CRB1: variants seen among roughly 807,000 people sequenced by gnomAD.
CRB1 encodes the protein protein crumbs homolog 1.
Under a neutral mutation model 120.0 loss-of-function variants are expected in CRB1, and 83 were observed. The observed-to-expected ratio is 0.69, with a 90% CI of 0.58 to 0.83. The LOEUF is 0.83. Among genes scored for constraint, CRB1 ranks in the 40% least tolerant of loss-of-function variants. The probability of loss-of-function intolerance (pLI) is 0.00; values close to 1 mark genes in which losing one functional copy is unlikely to be tolerated. For synonymous variants in CRB1, 625 were observed against 612.5 expected (o/e 1.02, Z -0.30); for missense variants, 1,699 against 1,687.6 (o/e 1.01, Z -0.12).
the CRB1 span, among the ~76,000 whole-genome samples, chr1:197,219,463 G>T: frequency 1.3e-5 from 2 of 152,150 alleles, no homozygotes; most frequent in African/African-American, 4.8e-5. Flanking sequence ...CAATCCATGA[G>T]ACACTGTCTA....
At chr1:197,272,163 A>G (rs1654942863) in intron 1 of CRB1, among the ~76,000 whole-genome samples, 1 of 152,182 alleles carries the variant, frequency 6.6e-6, no homozygotes, top group Non-Finnish European at 1.5e-5. Flanking sequence ...TTAGGGAGTA[A>G]TCACATACTC....
At chr1:197,289,561 G>T (rs907666444) in intron 1 of CRB1, among the ~76,000 whole-genome samples, 21 of 151,602 alleles carry the variant, frequency 1.4e-4, no homozygotes, top group African/African-American at 4.8e-4. Context: ...CGTGGGTTTG[G>T]GGAAAATTTG....
At chr1:197,469,519 G>C (rs939014464) in intron 11 of CRB1, among the ~76,000 whole-genome samples, 2 of 152,124 alleles carry the variant, frequency 1.3e-5, no homozygotes, top group African/African-American at 4.8e-5. Flanking sequence ...GAGATGAAAA[G>C]GATGTGCTTT....
At chr1:197,440,900 A>G (rs1335820541) in intron 10 of CRB1, 1 of 152,314 alleles carries the variant, frequency 6.6e-6, no homozygotes, top group East Asian at 1.9e-4. Flanking sequence ...GCTCAGATCT[A>G]ATCAGAGAAG....
Position 197,268,401 on chromosome 1 carries a change from CTAAA to C in CRB1, c.-8_-5del, listed in dbSNP as rs1457243118. 6.3e-7 allele frequency: 1 copy of C among 1,598,604 alleles called. No homozygotes were observed. The highest frequency in any genetic ancestry group is 2.2e-5 in the East Asian group (1 of 44,778). ...CCAGCAACACACCAGAGGATGTTCT[CTAAA>C]TAAGACCATGGCACTTAAGAACATT... On this transcript the variant is annotated 5_prime_UTR_variant, in exon 1 of 12. It removes the in-frame stop codon of an upstream open reading frame in the 5' UTR. Coordinates refer to ENST00000367400, the MANE Select transcript of CRB1 (RefSeq NM_201253.3).
chr1:197,225,923 C>T, the CRB1 span, among the ~76,000 whole-genome samples: 373 of 152,030 alleles, frequency 2.5e-3, 4 homozygotes, highest in African/African-American at 8.2e-3. Context: ...TTTTTTCAGA[C>T]GGTAATCGCA....
At chr1:197,248,055 C>G in the CRB1 span, among the ~76,000 whole-genome samples, 5 of 151,810 alleles carry the variant, frequency 3.3e-5, no homozygotes, top group African/African-American at 1.2e-4. Context: ...TTAAATAAAT[C>G]AAAATTGTAT....
chr1:197,434,830 AT>A lies in CRB1; in HGVS notation c.2969del (p.Leu990CysfsTer32). ...GAACAAGGGATGCAAATGTAATAAT[AT>A]TGCATGCAGAAAAAGAGCCTGAATT... is the stretch of plus-strand genomic sequence containing the variant. ...FRTRDANVII[L>X]HAEKEPEFLN... is the part of the protein sequence containing the mutation. On this transcript the variant is annotated frameshift_variant, in exon 9 of 12. Transcript: ENST00000367400. LOFTEE classifies it high-confidence loss of function. 6.2e-7 allele frequency: 1 copy of A among 1,613,802 alleles called. No homozygotes were observed. The highest frequency in any genetic ancestry group is 8.5e-7 in the Non-Finnish European group (1 of 1,179,738).
chr1:197,355,039 A>G (rs1021152946), intron 4 of CRB1, among the ~76,000 whole-genome samples: 2 of 151,500 alleles, frequency 1.3e-5, no homozygotes, highest in African/African-American at 4.9e-5. Context: ...TCCAAGTCCC[A>G]CTAGATTAGC....
At chr1:197,388,699 C>T (rs1662344115) in intron 5 of CRB1, among the ~76,000 whole-genome samples, 1 of 152,018 alleles carries the variant, frequency 6.6e-6, no homozygotes, top group Non-Finnish European at 1.5e-5. Flanking sequence ...TAAAAACAAA[C>T]AAACATAACC....
At chr1:197,397,970 G>A (rs765708588) in intron 5 of CRB1, among the ~76,000 whole-genome samples, 37 of 152,090 alleles carry the variant, frequency 2.4e-4, no homozygotes, top group Non-Finnish European at 4.6e-4. Flanking sequence ...TTAAAAAAGT[G>A]GAAGTGACCT....
At chr1:197,263,913 G>C (rs115164816), upstream of CRB1, among the ~76,000 whole-genome samples, 1,076 of 151,812 alleles carry the variant, frequency 7.1e-3, 11 homozygotes, top group African/African-American at 0.024. Context: ...TTTTCGAATA[G>C]GCCTAATCAT....
intron 6 of CRB1, 87 bp from the exon 7 acceptor site, chr1:197,427,367 T>C (rs948153807): frequency 9.5e-7 from 1 of 1,057,952 alleles, no homozygotes; most frequent in Admixed American, 1.8e-5. Context: ...GTGTGAAATG[T>C]ATAATTTTCG....
chr1:197,244,164 G>T, the CRB1 span, among the ~76,000 whole-genome samples: 1 of 152,012 alleles, frequency 6.6e-6, no homozygotes, highest in South Asian at 2.1e-4. Context: ...GGGACATTTA[G>T]CCCATTTACA....
intron 11 of CRB1, chr1:197,442,742 T>C: frequency 3.6e-6 from 1 of 281,344 alleles, no homozygotes; most frequent in Non-Finnish European, 6.6e-6. Flanking sequence ...CATTTCTGGG[T>C]ATTTTCACAT....
At chr1:197,416,780 G>A (rs1177257157) in intron 5 of CRB1, among the ~76,000 whole-genome samples, 1 of 152,092 alleles carries the variant, frequency 6.6e-6, no homozygotes, top group Non-Finnish European at 1.5e-5. Context: ...CACAATCTCA[G>A]CTCACTGCAA....
At chr1:197,273,762 A>T (rs915038587) in intron 1 of CRB1, among the ~76,000 whole-genome samples, 1 of 151,936 alleles carries the variant, frequency 6.6e-6, no homozygotes, top group African/African-American at 2.4e-5. Flanking sequence ...ACTCCCCATC[A>T]ATGTGGGGTG....
intron 11 of CRB1, among the ~76,000 whole-genome samples, chr1:197,466,333 A>G (rs1045362184): frequency 1.1e-4 from 16 of 152,342 alleles, no homozygotes; most frequent in Admixed American, 3.9e-4. Context: ...ACAACTGTTG[A>G]AAATTAAAGT....
chr1:197,257,279 T>C, the CRB1 span, among the ~76,000 whole-genome samples: 2 of 152,126 alleles, frequency 1.3e-5, no homozygotes, highest in Admixed American at 6.6e-5. Context: ...TCCCAAAGGA[T>C]TGGATGATGC....
Sources: gnomAD v4.1 joint callset for allele counts (sites outside exome capture counted in the v4.1 genomes callset) on GRCh38, gnomAD v4.1.1 for gene constraint, MANE v1.5 for transcripts, NCBI Gene and HGNC (gene_info 2026-07-23, HGNC 2026-07-21) for gene names.